Variants in PCDHGA1 observed in about 807,000 individuals in gnomAD.
PCDHGA1 encodes protocadherin gamma-A1.
In PCDHGA1, 32 loss-of-function variants were observed where a neutral mutation model predicts 58.0. That is an observed-to-expected ratio of 0.55 (90% CI 0.42 to 0.74). PCDHGA1 has a LOEUF of 0.74. PCDHGA1 is among the 30% of genes least tolerant of loss of function. The pLI is 0.00. For synonymous variants in PCDHGA1, 498 were observed against 501.1 expected, an observed-to-expected ratio of 0.99 and a Z score of 0.08; for missense variants, 1,205 against 1,182.3, an observed-to-expected ratio of 1.02 and a Z score of -0.28.
In PCDHGA1 at chr5:141,351,778, G is replaced by C. The variant is rs181453842; in HGVS notation, c.2421+18673G>C. On this transcript the variant is annotated intron_variant, in intron 1 of 3. Coordinates refer to ENST00000517417, the MANE Select transcript of PCDHGA1 (RefSeq NM_018912.3). ...TGTCCTACGTGTCCGTGAGCCCGCA[G>C]AGCGGGGTGGTGTTCGCGCAGCGCG... 294 of 1,613,470 alleles carry C rather than the reference G, an allele frequency of 1.8e-4. No homozygotes were observed. The highest frequency in any genetic ancestry group is 2.5e-4 in the Non-Finnish European group (290 of 1,179,900).
intron 1 of PCDHGA1, chr5:141,382,935 A>G: frequency 6.3e-7 from 1 of 1,589,148 alleles, no homozygotes; most frequent in Admixed American, 1.7e-5. Flanking sequence ...ACTACAGAGG[A>G]TTCTTCCTGC....
chr5:141,460,498 T>G (rs1028506755), intron 1 of PCDHGA1, among the ~76,000 whole-genome samples: 1 of 152,184 alleles, frequency 6.6e-6, no homozygotes. Context: ...TGGAAAAATA[T>G]GCTGAGAAGG....
At chr5:141,345,597 T>C (rs769804193) in intron 1 of PCDHGA1, 29 of 1,614,076 alleles carry the variant, frequency 1.8e-5, no homozygotes, top group Non-Finnish European at 2.4e-5. Flanking sequence ...ATCCTTCGAC[T>C]ACGAGCAATT....
chr5:141,441,918 C>A (rs1183933153), intron 1 of PCDHGA1: 8 of 351,246 alleles, frequency 2.3e-5, no homozygotes, highest in African/African-American at 1.1e-4. Flanking sequence ...ATGTGAGACA[C>A]AATGCGTGGC....
chr5:141,347,638 T>G (rs1249660498), intron 1 of PCDHGA1, among the ~76,000 whole-genome samples: 6 of 151,906 alleles, frequency 3.9e-5, no homozygotes. Flanking sequence ...AATACAAAAA[T>G]TAGCTGGGCA....
Position 141,343,804 on chromosome 5 carries a change from G to A in PCDHGA1, c.2421+10699G>A, listed in dbSNP as rs1474573186. ...GTGTCGCTGTTGACCACTCAAGAAG[G>A]AGAACGCAGCTGGAGAACTAGTCCA... is the stretch of plus-strand genomic sequence containing the variant. On this transcript the variant is annotated intron_variant, in intron 1 of 3. Transcript: ENST00000517417. 5 of 457,636 alleles carry A rather than the reference G, an allele frequency of 1.1e-5. No homozygotes were observed. In the East Asian group the frequency reaches 1.8e-4, roughly 16 times the overall value. The allele number at this position is 457,636 out of a possible 1,614,324, so 28.3% of individuals were successfully genotyped here. A position where few individuals can be genotyped will look rare whatever the true frequency, so the allele number is the denominator to read the frequency against.
intron 1 of PCDHGA1, chr5:141,404,291 G>A (rs755978034): frequency 6.2e-7 from 1 of 1,613,956 alleles, no homozygotes; most frequent in Non-Finnish European, 8.5e-7. Context: ...TGACATCAAT[G>A]ATAATCCACC....
chr5:141,433,401 A>ATCTATCTATCTATCTC (rs1444244130), intron 1 of PCDHGA1, among the ~76,000 whole-genome samples: 1 of 150,482 alleles, frequency 6.6e-6, no homozygotes, highest in African/African-American at 2.4e-5. Context: ...CTATCTATCT[A>ATCTATCTATCTATCTC]TCTATTACTT....
At chr5:141,387,566 T>C in intron 1 of PCDHGA1, 1 of 445,866 alleles carries the variant, frequency 2.2e-6, no homozygotes, top group Non-Finnish European at 4.0e-6. Context: ...GGCACACAAT[T>C]ATAATTATTG....
In PCDHGA1 at chr5:141,410,849, CTTTTTTT is replaced by C. The variant is rs759346998; in HGVS notation, c.2421+77760_2421+77766del. 8.7e-3 allele frequency: 1,205 copies of C among 138,184 alleles called. 49 individuals are homozygous for C. Among genetic ancestry groups the C allele is most frequent in the African/African-American group, 0.064 (1,073 of 16,650 alleles). 8.6% of individuals were successfully genotyped at this position (138,184 alleles called of 1,614,324 possible). ...CAGACTGAAGATATTTTGTCTTTGT[CTTTTTTT>C]TTTTTTTTTTTTTTTGAGATGGAGT... is the stretch of plus-strand genomic sequence containing the variant. On this transcript the variant is annotated intron_variant, in intron 1 of 3. Coordinates refer to ENST00000517417, the MANE Select transcript of PCDHGA1 (RefSeq NM_018912.3).
At chr5:141,421,930 G>A (rs780569992) in intron 1 of PCDHGA1, 1 of 1,613,480 alleles carries the variant, frequency 6.2e-7, no homozygotes, top group Non-Finnish European at 8.5e-7. Flanking sequence ...GGTGGTCCTC[G>A]ATGTAAATGA....
intron 1 of PCDHGA1, chr5:141,405,552 G>A (rs2094685427): frequency 1.6e-6 from 1 of 623,718 alleles, no homozygotes. Context: ...CCCAAGTAGA[G>A]TAGCTGGGAC....
Position 141,477,827 on chromosome 5 carries a change from C to T in PCDHGA1, c.2422-16980C>T, listed in dbSNP as rs2099419143. On this transcript the variant is annotated intron_variant, in intron 1 of 3. Coordinates refer to ENST00000517417, the MANE Select transcript of PCDHGA1 (RefSeq NM_018912.3). The surrounding 1 kb of genome is among the most constrained non-coding windows in gnomAD (Gnocchi z 4.9). ...CAATGCCCCCCAGGTCCTATATCCT[C>T]GGCCAGGTGGGAGCTCGGTGGAGAT... The T allele has an allele frequency of 1.2e-6, 2 of 1,614,038 alleles. No individual in the cohort carries two copies. Among genetic ancestry groups the T allele is most frequent in the African/African-American group, 1.3e-5 (1 of 74,928 alleles).
chr5:141,402,903 A>C, intron 1 of PCDHGA1: 1 of 1,525,170 alleles, frequency 6.6e-7, no homozygotes, highest in East Asian at 2.3e-5. Context: ...GAACCTGATG[A>C]AGCAGCGCGC....
At chr5:141,480,298 C>G (rs1238380283) in intron 1 of PCDHGA1, among the ~76,000 whole-genome samples, 1 of 132,676 alleles carries the variant, frequency 7.5e-6, no homozygotes, top group Non-Finnish European at 1.6e-5. Flanking sequence ...ACCTGTGGTA[C>G]CAGCTACTTG....
chr5:141,491,823 C>T lies in PCDHGA1; in HGVS notation c.2422-2984C>T, dbSNP rs1242708273. On this transcript the variant is annotated intron_variant, in intron 1 of 3. Transcript: ENST00000517417. The surrounding 1 kb of genome is among the most constrained non-coding windows in gnomAD (Gnocchi z 6.9). ...GCCGGCTTGGTCGCTGGCTGCGCTC[C>T]ACCCGATTCTCGGGATCATTGGACC... The T allele has an allele frequency of 2.7e-6, 4 of 1,479,038 alleles. No homozygotes were observed. Among genetic ancestry groups the T allele is most frequent in the Non-Finnish European group, 3.6e-6 (4 of 1,115,300 alleles). 91.6% of individuals were successfully genotyped at this position (1,479,038 alleles called of 1,614,324 possible).
At chr5:141,386,994 AT>A (rs1291262145) in intron 1 of PCDHGA1, among the ~76,000 whole-genome samples, 1 of 152,224 alleles carries the variant, frequency 6.6e-6, no homozygotes, top group Non-Finnish European at 1.5e-5. Flanking sequence ...GCTATGTATT[AT>A]CCCCCTGATA....
chr5:141,497,831 C>T (rs1336808833), intron 2 of PCDHGA1, among the ~76,000 whole-genome samples: 1 of 152,162 alleles, frequency 6.6e-6, no homozygotes, highest in Non-Finnish European at 1.5e-5. Flanking sequence ...TGATCGCCCC[C>T]GGCCACAACA....
intron 1 of PCDHGA1, chr5:141,416,540 G>T (rs1439132249): frequency 6.6e-6 from 1 of 151,974 alleles, no homozygotes; most frequent in Non-Finnish European, 1.5e-5. Flanking sequence ...GTATAAGGAG[G>T]CAAACACCTG....
Sources: gnomAD v4.1 joint callset for allele counts (sites outside exome capture counted in the v4.1 genomes callset) on GRCh38, gnomAD v4.1.1 for gene constraint, Gnocchi (gnomAD v3.1) non-coding constraint, MANE v1.5 for transcripts, NCBI Gene and HGNC (gene_info 2026-07-23, HGNC 2026-07-21) for gene names.